Variants in PCDHA5 observed in about 807,000 individuals in gnomAD.
PCDHA5 encodes protocadherin alpha-5.
In PCDHA5, 43 loss-of-function variants were observed where a neutral mutation model predicts 61.6. The observed-to-expected ratio is 0.70, with a 90% CI of 0.55 to 0.90. The LOEUF is 0.90. PCDHA5 is among the 40% of genes least tolerant of loss of function. The pLI, the probability that PCDHA5 is intolerant of heterozygous loss-of-function variation, is 0.00. For synonymous variants in PCDHA5, 627 were observed against 543.9 expected (o/e 1.15, Z -2.13); for missense variants, 1,298 against 1,222.7 (o/e 1.06, Z -0.92).
At chr5:140,824,211 A>C (rs1238500451) in intron 1 of PCDHA5, 84 bp downstream of exon 1, 1 of 1,581,562 alleles carries the variant, frequency 6.3e-7, no homozygotes, top group East Asian at 2.2e-5. Context: ...TTTTGTATTT[A>C]AAAATTATGT....
intron 1 of PCDHA5, chr5:140,876,899 C>A (rs781884794): frequency 5.0e-6 from 8 of 1,613,974 alleles, no homozygotes; most frequent in Non-Finnish European, 6.8e-6. Context: ...CACATCTTCA[C>A]GGTGTCGGCA....
chr5:140,856,499 T>A, intron 1 of PCDHA5: 1 of 1,598,458 alleles, frequency 6.3e-7, no homozygotes, highest in Non-Finnish European at 8.6e-7. Flanking sequence ...TGACTCTCGA[T>A]TTCCACTAGA....
At chr5:140,893,951 T>TTA (rs2064251628) in intron 1 of PCDHA5, among the ~76,000 whole-genome samples, 1 of 152,184 alleles carries the variant, frequency 6.6e-6, no homozygotes, top group Admixed American at 6.5e-5. Context: ...CTGCATGACT[T>TTA]TATTAGTCAT....
chr5:140,836,427 G>A (rs2150260736), intron 1 of PCDHA5: 1 of 1,613,858 alleles, frequency 6.2e-7, no homozygotes, highest in South Asian at 1.1e-5. Flanking sequence ...GTCGTCGCGG[G>A]CATCGTTGGG....
At chr5:140,871,086 G>T (rs556097993) in intron 1 of PCDHA5, 15 of 1,613,256 alleles carry the variant, frequency 9.3e-6, no homozygotes, top group Non-Finnish European at 1.1e-5. Context: ...TGACGGCCAC[G>T]GCCACCGTGC....
At chr5:140,967,282 GC>G in intron 1 of PCDHA5, 1 of 1,613,078 alleles carries the variant, frequency 6.2e-7, no homozygotes, top group Non-Finnish European at 8.5e-7. Flanking sequence ...TAGAGAGTGC[GC>G]AGGACCCCGA....
At chr5:140,881,574 A>C (rs565640252) in intron 1 of PCDHA5, among the ~76,000 whole-genome samples, 22 of 152,364 alleles carry the variant, frequency 1.4e-4, no homozygotes, top group Middle Eastern at 6.8e-3. Context: ...CTACATCTCA[A>C]GTCACATTGA....
intron 1 of PCDHA5, among the ~76,000 whole-genome samples, chr5:140,872,655 G>A (rs1474105243): frequency 6.6e-6 from 1 of 152,046 alleles, no homozygotes; most frequent in African/African-American, 2.4e-5. Context: ...CAAGAGATTT[G>A]TCAACTATTG....
intron 3 of PCDHA5, among the ~76,000 whole-genome samples, chr5:140,989,478 G>A (rs1319813384): frequency 2.0e-5 from 3 of 152,204 alleles, no homozygotes; most frequent in Admixed American, 6.5e-5. Context: ...CTCCTGGGAG[G>A]TGCTTGAACA....
At chr5:140,940,611 C>T (rs782735444) in intron 1 of PCDHA5, among the ~76,000 whole-genome samples, 1 of 152,144 alleles carries the variant, frequency 6.6e-6, no homozygotes. Flanking sequence ...CTGCTCCTGG[C>T]TCCTGCAAAT....
rs1554263792 is a variant in PCDHA5 at position 141,012,059 on chromosome 5, C to T, written c.*2122C>T. 1 of 153,718 alleles carries T rather than the reference C, an allele frequency of 6.5e-6. No individual in the cohort carries two copies. The highest frequency in any genetic ancestry group is 1.5e-5 in the Non-Finnish European group (1 of 68,036). The allele number at this position is 153,718 out of a possible 1,614,324, so 9.5% of individuals were successfully genotyped here. A position where few individuals can be genotyped will look rare whatever the true frequency, so the allele number is the denominator to read the frequency against. ...TGCATGGGGTAAAACTTGTTACCAA[C>T]ACATGTGAACCATTGCTACATTGTA... On this transcript the variant is annotated 3_prime_UTR_variant, in exon 4 of 4. Transcript: ENST00000529859.
intron 1 of PCDHA5, chr5:140,884,061 A>G: frequency 1.2e-6 from 2 of 1,613,342 alleles, no homozygotes; most frequent in Non-Finnish European, 1.7e-6. Flanking sequence ...CGCGCGGTGG[A>G]CGCCGATTCG....
At chr5:140,826,195 T>A (rs1554130490) in intron 1 of PCDHA5, among the ~76,000 whole-genome samples, 1 of 152,214 alleles carries the variant, frequency 6.6e-6, no homozygotes, top group African/African-American at 2.4e-5. Context: ...AAGTTAACAA[T>A]GGTCACATTT....
At chr5:140,827,980 C>G (rs1769474161) in intron 1 of PCDHA5, 2 of 1,413,840 alleles carry the variant, frequency 1.4e-6, no homozygotes, top group Non-Finnish European at 9.6e-7. Context: ...CATTCCCTGA[C>G]TGTTGAATGA....
At chr5:140,830,376 A>G in intron 1 of PCDHA5, 1 of 1,614,094 alleles carries the variant, frequency 6.2e-7, no homozygotes, top group South Asian at 1.1e-5. Context: ...TGCTCCGGGG[A>G]GGGCCCACCC....
intron 1 of PCDHA5, chr5:140,849,900 C>T: frequency 6.3e-7 from 1 of 1,598,532 alleles, no homozygotes; most frequent in East Asian, 2.2e-5. Flanking sequence ...GGAGAACAAC[C>T]CGCCGGGCTG....
Position 140,821,682 on chromosome 5 carries a change from T to C in PCDHA5, c.-94T>C. The C allele has an allele frequency of 7.4e-7, 1 of 1,350,590 alleles. No individual in the cohort carries two copies. The highest frequency in any genetic ancestry group is 1.0e-6 in the Non-Finnish European group (1 of 988,130). The allele number at this position is 1,350,590 out of a possible 1,614,324, so 83.7% of individuals were successfully genotyped here. On this transcript the variant is annotated 5_prime_UTR_variant, in exon 1 of 4. Transcript: ENST00000529859. ...TGTGCCAAGAAGCTCAGAAAGGCGA[T>C]AATATAAAAAATATATAGTTAATTG... is the stretch of plus-strand genomic sequence containing the variant.
chr5:140,977,890 A>C (rs1554238866), intron 1 of PCDHA5, among the ~76,000 whole-genome samples: 3 of 152,234 alleles, frequency 2.0e-5, no homozygotes, highest in Non-Finnish European at 4.4e-5. Flanking sequence ...AGGAAAATAC[A>C]AAATACAACT....
chr5:140,852,584 T>G, intron 1 of PCDHA5: 1 of 824,250 alleles, frequency 1.2e-6, no homozygotes, highest in Non-Finnish European at 1.5e-6. Flanking sequence ...GCTTTTTTAT[T>G]TTTTTTTTTT....
Sources: gnomAD v4.1 joint callset for allele counts (sites outside exome capture counted in the v4.1 genomes callset) on GRCh38, gnomAD v4.1.1 for gene constraint, MANE v1.5 for transcripts, NCBI Gene and HGNC (gene_info 2026-07-23, HGNC 2026-07-21) for gene names.